Variants in ATP1A3 observed in about 807,000 individuals in gnomAD.
ATP1A3 encodes ATPase Na+/K+ transporting subunit alpha 3, also known as sodium/potassium-transporting ATPase subunit alpha-3.
In ATP1A3, 12 loss-of-function variants were observed where a neutral mutation model predicts 108.8. That is an observed-to-expected ratio of 0.11 (90% CI 0.07 to 0.18). ATP1A3 has a LOEUF of 0.18. ATP1A3 is among the 10% of genes least tolerant of loss of function. ATP1A3 has a pLI of 1.00. For missense variants in ATP1A3, 498 were observed against 1,387.7 expected (o/e 0.36, Z 10.19); for synonymous variants, 539 against 564.5 (o/e 0.95, Z 0.64).
In ATP1A3 at chr19:41,985,115, C is replaced by G. The variant is rs2075274098; in HGVS notation, c.796G>C (p.Gly266Arg). Reference sequence around the variant, plus strand: ...ATGGGCGTCTTGCCCACCTCCAGCCCTGATGCCAGGGTGGCGATACGGCCC... The same window carrying G: ...ATGGGCGTCTTGCCCACCTCCAGCCGTGATGCCAGGGTGGCGATACGGCCC... ...VMGRIATLAS[G>R]LEVGKTPIAI... Residue 266 changes from glycine to arginine, a missense_variant, in exon 8 of 23, where the codon GGG (glycine) becomes CGG (arginine). Transcript: ENST00000648268. The surrounding 1 kb of genome is among the most constrained non-coding windows in gnomAD (Gnocchi z 8.2). 1 of 1,613,938 alleles carries G rather than the reference C, an allele frequency of 6.2e-7. No individual in the cohort carries two copies.
chr19:41,985,002 G>A lies in ATP1A3; in HGVS notation c.909C>T (p.Leu303=), dbSNP rs782266448. The change falls in exon 8 of 23, where the codon CTC becomes CTT. Residue 303 remains leucine (L), a synonymous_variant. Transcript: ENST00000648268. This position sits in a 1 kb window ranked among gnomAD's most constrained non-coding sequence, Gnocchi z 8.2. ...GVSFFILSLI[L]GYTWLEAVIF... is the part of the protein sequence containing the mutation. ...TGACAGCCTCAAGCCAGGTGTATCC[G>A]AGAATGAGGGAGAGGATGAAGAAGG... is the stretch of plus-strand genomic sequence containing the variant. 63 of 1,614,006 alleles carry A rather than the reference G, an allele frequency of 3.9e-5. No individual in the cohort carries two copies. The highest frequency in any genetic ancestry group is 1.8e-5 in the Non-Finnish European group (21 of 1,179,992).
At chr19:41,970,789 G>A (rs535093911) in intron 16 of ATP1A3, among the ~76,000 whole-genome samples, 43 of 151,522 alleles carry the variant, frequency 2.8e-4, no homozygotes, top group Admixed American at 1.9e-3. Context: ...CTGCCACCAC[G>A]CCCGGCTAAT....
At position 41,968,719 on chromosome 19, in the gene ATP1A3, CACAG is replaced by C. The variant is rs1256745993; in HGVS notation, c.2819+62_2819+65del. On this transcript the variant is annotated intron_variant, in intron 20 of 22. Coordinates refer to ENST00000648268, the MANE Select transcript of ATP1A3 (RefSeq NM_152296.5). This position sits in a 1 kb window ranked among gnomAD's most constrained non-coding sequence, Gnocchi z 5.0. ...CAAAGCAAGGACACAAGAGGAAGTACACAGACAGACAGACACTCGGACAGGACAG... is the reference window on the plus strand; with the variant it reads ...CAAAGCAAGGACACAAGAGGAAGTACACAGACAGACACTCGGACAGGACAG... 1.7e-5 allele frequency: 28 copies of C among 1,607,874 alleles called. No homozygotes were observed. The highest frequency in any genetic ancestry group is 3.3e-5 in the South Asian group (3 of 90,960).
intron 4 of ATP1A3, chr19:41,986,481 C>T (rs111462749): frequency 1.0e-5 from 4 of 390,860 alleles, no homozygotes; most frequent in African/African-American, 8.3e-5. Context: ...CTCACTCTGT[C>T]GCCCAGGCTG....
At chr19:41,972,701 G>T (rs2075121777) in intron 16 of ATP1A3, among the ~76,000 whole-genome samples, 1 of 150,198 alleles carries the variant, frequency 6.7e-6, no homozygotes, top group African/African-American at 2.4e-5. Context: ...GGAGGTGGAG[G>T]TTGCAGTGAG....
chr19:41,969,778 A>G (rs1325241390), intron 18 of ATP1A3, among the ~76,000 whole-genome samples, 198 bp from the exon 19 acceptor site: 1 of 152,182 alleles, frequency 6.6e-6, no homozygotes, highest in African/African-American at 2.4e-5. Flanking sequence ...GCCACCTGGG[A>G]CAGGGGCTTT....
chr19:41,967,214 C>T lies in ATP1A3; in HGVS notation c.3013+35G>A, dbSNP rs375139712. On this transcript the variant is annotated intron_variant, in intron 22 of 22. Coordinates refer to ENST00000648268, the MANE Select transcript of ATP1A3 (RefSeq NM_152296.5). The surrounding 1 kb of genome is among the most constrained non-coding windows in gnomAD (Gnocchi z 4.2). ...CAGCTGCCTGAGACCCTGCTGCCCC[C>T]CGCCCCCCTCGGCTGCCTTGCCGAG... The T allele has an allele frequency of 3.7e-6, 6 of 1,613,700 alleles. No homozygotes were observed. The highest frequency in any genetic ancestry group is 4.2e-6 in the Non-Finnish European group (5 of 1,179,816).
At chr19:41,990,686 A>ATATC (rs1218136370) in intron 1 of ATP1A3, among the ~76,000 whole-genome samples, 2 of 148,624 alleles carry the variant, frequency 1.3e-5, no homozygotes, top group African/African-American at 5.0e-5. Flanking sequence ...ATATATATAT[A>ATATC]TATATATATC....
In ATP1A3 at chr19:41,967,528, G is replaced by A. The variant is rs1476272529; in HGVS notation, c.2921+134C>T. ...CGTGGTGGGAGCAGCCTATGGGGGA[G>A]GCTCGGGGGCATCAGAATGGGGACT... On this transcript the variant is annotated intron_variant, in intron 21 of 22. Coordinates refer to ENST00000648268, the MANE Select transcript of ATP1A3 (RefSeq NM_152296.5). The surrounding 1 kb of genome is among the most constrained non-coding windows in gnomAD (Gnocchi z 4.2). 8 of 1,182,388 alleles carry A rather than the reference G, an allele frequency of 6.8e-6. No homozygotes were observed. The highest frequency in any genetic ancestry group is 1.5e-5 in the African/African-American group (1 of 65,844). The allele number at this position is 1,182,388 out of a possible 1,614,324, so 73.2% of individuals were successfully genotyped here.
intron 11 of ATP1A3, among the ~76,000 whole-genome samples, chr19:41,979,886 G>A (rs2075211662): frequency 6.6e-6 from 1 of 152,248 alleles, no homozygotes; most frequent in African/African-American, 2.4e-5. Context: ...AAAGCTCTGA[G>A]TCAACTCCTG....
In ATP1A3 at chr19:41,981,127, G is replaced by A. The variant is rs1198561713; in HGVS notation, c.1437+375C>T. On this transcript the variant is annotated intron_variant, in intron 11 of 22. Coordinates refer to ENST00000648268, the MANE Select transcript of ATP1A3 (RefSeq NM_152296.5). This position sits in a 1 kb window ranked among gnomAD's most constrained non-coding sequence, Gnocchi z 5.0. ...TCCTCCTGCCTCAGACTCCCAAATC[G>A]CTGAGACCACAGGCACATACCACCA... Among the ~76,000 whole-genome samples the A allele has an allele frequency of 6.7e-6, 1 of 150,250 alleles. No individual in the cohort carries two copies. Among genetic ancestry groups the A allele is most frequent in the Non-Finnish European group, 1.5e-5 (1 of 67,778 alleles).
In ATP1A3 at chr19:41,966,878, CAG is replaced by C. The variant is rs1398939507; in HGVS notation, c.*57_*58del. ...CAGAATACAAAATTGGGGGGACTGA[CAG>C]GGGCGGTCCTGGGCCTGGGGGACGG... On this transcript the variant is annotated 3_prime_UTR_variant, in exon 23 of 23. Transcript: ENST00000648268. 4.5e-6 allele frequency: 7 copies of C among 1,549,444 alleles called. No homozygotes were observed. Among genetic ancestry groups the C allele is most frequent in the South Asian group, 1.2e-5 (1 of 83,988 alleles).
intron 16 of ATP1A3, among the ~76,000 whole-genome samples, chr19:41,972,670 C>A (rs2075121522): frequency 1.3e-5 from 2 of 149,614 alleles, no homozygotes; most frequent in Non-Finnish European, 3.0e-5. Context: ...GAAGCTGAGG[C>A]AGAAGAATCG....
chr19:41,967,304 G>A lies in ATP1A3; in HGVS notation c.2958C>T (p.Phe986=), dbSNP rs1555858843. 1 of 1,612,428 alleles carries A rather than the reference G, an allele frequency of 6.2e-7. No homozygotes were observed. The highest frequency in any genetic ancestry group is 1.1e-5 in the South Asian group (1 of 91,076). ...GGATTTCGTCGTAGACGAAGATGAGGAAACTGTAGGGGAAGGCACAGAACC... is the reference window on the plus strand; with the variant it reads ...GGATTTCGTCGTAGACGAAGATGAGAAAACTGTAGGGGAAGGCACAGAACC... ...SWWFCAFPYS[F]LIFVYDEIRK... Residue 986 remains phenylalanine, a synonymous_variant, in exon 22 of 23, where the codon TTC becomes TTT. Transcript: ENST00000648268. This position sits in a 1 kb window ranked among gnomAD's most constrained non-coding sequence, Gnocchi z 4.2.
In ATP1A3 at chr19:41,986,389, C is replaced by A. The variant is rs1260945149; in HGVS notation, c.358-160G>T. 19 of 628,720 alleles carry A rather than the reference C, an allele frequency of 3.0e-5. No homozygotes were observed. The East Asian group carries it at 4.9e-4, about 16-fold the overall frequency. 38.9% of individuals were successfully genotyped at this position (628,720 alleles called of 1,614,324 possible). Reference sequence around the variant, plus strand: ...ATGAGGGTTGGTGTGTCTGAGTCTCCCCTGTTTGTGCTTGAGTCCCTCTTT... The same window carrying A: ...ATGAGGGTTGGTGTGTCTGAGTCTCACCTGTTTGTGCTTGAGTCCCTCTTT... On this transcript the variant is annotated intron_variant, in intron 4 of 22. Coordinates refer to ENST00000648268, the MANE Select transcript of ATP1A3 (RefSeq NM_152296.5).
intron 1 of ATP1A3, chr19:41,993,241 TG>T: frequency 4.1e-6 from 2 of 487,714 alleles, no homozygotes; most frequent in Non-Finnish European, 3.6e-6. Context: ...AAGGGTCAGG[TG>T]GTCAGCCAGG....
chr19:41,970,448 G>A lies in ATP1A3; in HGVS notation c.2358C>T (p.Ala786=). Residue 786 remains alanine, a synonymous_variant, in exon 17 of 23, where the codon GCC becomes GCT. Coordinates refer to ENST00000648268, the MANE Select transcript of ATP1A3 (RefSeq NM_152296.5). The part of the protein sequence containing the change: ...EITPFLLFIM[A]NIPLPLGTIT... ...TGGTGCCCAGGGGCAGCGGGATGTT[G>A]GCCATGATGAACAGCAGGAAGGGCG... The A allele has an allele frequency of 6.2e-7, 1 of 1,614,042 alleles. No homozygotes were observed. Among genetic ancestry groups the A allele is most frequent in the Non-Finnish European group, 8.5e-7 (1 of 1,179,994 alleles).
chr19:41,971,152 C>CA (rs1599708046), intron 16 of ATP1A3, among the ~76,000 whole-genome samples: 3 of 151,738 alleles, frequency 2.0e-5, no homozygotes, highest in Admixed American at 2.0e-4. Flanking sequence ...TTAGTAGAGA[C>CA]AGAGTCTCAC....
Position 41,976,400 on chromosome 19 carries a change from C to A in ATP1A3, c.2094+16G>T, listed in dbSNP as rs199598023. On this transcript the variant is annotated intron_variant, in intron 15 of 22. Coordinates refer to ENST00000648268, the MANE Select transcript of ATP1A3 (RefSeq NM_152296.5). ...AGTCAAGGCCCCGTCCCCTCCTCTG[C>A]GGGAGCGCAGCCCACCTGTCTCTGA... The A allele has an allele frequency of 6.2e-7, 1 of 1,613,866 alleles. No individual in the cohort carries two copies. Among genetic ancestry groups the A allele is most frequent in the East Asian group, 2.2e-5 (1 of 44,884 alleles).
Sources: allele counts gnomAD v4.1 joint callset (sites outside exome capture counted in the v4.1 genomes callset), GRCh38; gene constraint gnomAD v4.1.1; non-coding constraint Gnocchi (gnomAD v3.1); transcripts MANE v1.5; gene names NCBI Gene and HGNC (gene_info 2026-07-23, HGNC 2026-07-21).